The following NRG3 variants were observed in gnomAD, a reference collection of about 807,000 sequenced individuals.
NRG3 encodes neuregulin 3.
NRG3 carries 31 observed loss-of-function variants against 66.9 expected under a neutral mutation model. That is an observed-to-expected ratio of 0.46 (90% CI 0.35 to 0.63). NRG3 has a LOEUF of 0.63. Among genes scored for constraint, NRG3 ranks in the 20% least tolerant of loss-of-function variants. The pLI is 0.00. For synonymous variants in NRG3, 393 were observed against 359.4 expected (o/e 1.09, Z -1.06); for missense variants, 910 against 878.9 (o/e 1.04, Z -0.45).
chr10:82,499,107 A>T (rs1843902085), intron 2 of NRG3, among the ~76,000 whole-genome samples: 1 of 152,180 alleles, frequency 6.6e-6, no homozygotes, highest in African/African-American at 2.4e-5. Flanking sequence ...CCTTGAGAAG[A>T]AGAGTCTGGC....
chr10:81,912,526 C>T (rs542569549), intron 1 of NRG3, among the ~76,000 whole-genome samples: 48 of 152,318 alleles, frequency 3.2e-4, no homozygotes, highest in African/African-American at 1.1e-3. Flanking sequence ...CCAGCCTATA[C>T]AGAATATTAT....
intron 1 of NRG3, among the ~76,000 whole-genome samples, chr10:82,344,276 A>T (rs970948712): frequency 6.6e-6 from 1 of 150,450 alleles, no homozygotes; most frequent in African/African-American, 2.5e-5. Flanking sequence ...ACGTGATCTC[A>T]TTGTTCAATT....
chr10:82,688,797 T>C (rs1371279620), intron 2 of NRG3, among the ~76,000 whole-genome samples: 1 of 150,676 alleles, frequency 6.6e-6, no homozygotes, highest in Non-Finnish European at 1.5e-5. Flanking sequence ...GAAAAGAAAA[T>C]GTCGCCTCAA....
At chr10:82,346,590 A>G in intron 1 of NRG3, among the ~76,000 whole-genome samples, 2 of 152,080 alleles carry the variant, frequency 1.3e-5, no homozygotes, top group Non-Finnish European at 2.9e-5. Flanking sequence ...AAAACGAGTT[A>G]GGGAGGATTC....
intron 1 of NRG3, among the ~76,000 whole-genome samples, chr10:82,261,204 C>G (rs1319209890): frequency 1.3e-5 from 2 of 152,088 alleles, no homozygotes; most frequent in African/African-American, 4.8e-5. Context: ...GGGTGGTTTC[C>G]TCCATGCTGT....
At chr10:82,905,145 A>C (rs1284486518) in intron 4 of NRG3, among the ~76,000 whole-genome samples, 1 of 152,206 alleles carries the variant, frequency 6.6e-6, no homozygotes, top group Non-Finnish European at 1.5e-5. Flanking sequence ...ATATTTACCC[A>C]TGGTCTTTAT....
At chr10:82,641,819 G>T (rs990940698) in intron 2 of NRG3, among the ~76,000 whole-genome samples, 1 of 151,910 alleles carries the variant, frequency 6.6e-6, no homozygotes, top group Non-Finnish European at 1.5e-5. Flanking sequence ...AAAGAAGAAG[G>T]TTTTATCCTG....
chr10:82,457,631 A>C (rs2091328792), intron 2 of NRG3, among the ~76,000 whole-genome samples: 1 of 152,162 alleles, frequency 6.6e-6, no homozygotes, highest in South Asian at 2.1e-4. Flanking sequence ...TGGTGAGCTG[A>C]ACCAAACTCC....
intron 2 of NRG3, among the ~76,000 whole-genome samples, chr10:82,370,030 A>C (rs982622968): frequency 7.2e-6 from 1 of 138,406 alleles, no homozygotes; most frequent in African/African-American, 3.4e-5. Context: ...TGGTGTCTGG[A>C]GGTGGATACC....
intron 2 of NRG3, among the ~76,000 whole-genome samples, chr10:82,672,758 G>A (rs1299747445): frequency 2.0e-5 from 3 of 151,978 alleles, no homozygotes; most frequent in Admixed American, 2.0e-4. Context: ...TCGTTGGTTT[G>A]TTTGTTTTTG....
At chr10:82,445,402 A>G (rs757747551) in intron 2 of NRG3, among the ~76,000 whole-genome samples, 4 of 152,210 alleles carry the variant, frequency 2.6e-5, no homozygotes, top group Non-Finnish European at 5.9e-5. Context: ...GACAAATAGG[A>G]CATAGCTTTA....
At chr10:82,514,271 C>T (rs1055268931) in intron 2 of NRG3, among the ~76,000 whole-genome samples, 2 of 152,078 alleles carry the variant, frequency 1.3e-5, no homozygotes, top group Admixed American at 6.6e-5. Context: ...CCATCTATGT[C>T]TTGAATGGTA....
At chr10:82,937,808 T>A (rs1848229652) in intron 4 of NRG3, among the ~76,000 whole-genome samples, 1 of 152,128 alleles carries the variant, frequency 6.6e-6, no homozygotes. Context: ...TATTGTTAGG[T>A]TAAAATTCAC....
At chr10:82,889,153 G>A (rs1031960768) in intron 4 of NRG3, among the ~76,000 whole-genome samples, 40 of 152,064 alleles carry the variant, frequency 2.6e-4, no homozygotes, top group African/African-American at 7.2e-4. Context: ...TGGTTGAGAG[G>A]GAGGGTAAAA....
intron 3 of NRG3, among the ~76,000 whole-genome samples, chr10:82,774,925 C>T (rs548896478): frequency 1.5e-4 from 21 of 144,582 alleles, no homozygotes; most frequent in East Asian, 2.1e-4. Context: ...TGGTTTCAAG[C>T]GATTCTTGTG....
At chr10:82,006,136 T>C (rs1455723763) in intron 1 of NRG3, among the ~76,000 whole-genome samples, 1 of 152,128 alleles carries the variant, frequency 6.6e-6, no homozygotes, top group African/African-American at 2.4e-5. Flanking sequence ...TATTGATTTT[T>C]ACAATCTAAA....
intron 1 of NRG3, among the ~76,000 whole-genome samples, chr10:82,043,425 C>T (rs573879497): frequency 6.6e-6 from 1 of 152,056 alleles, no homozygotes; most frequent in African/African-American, 2.4e-5. Context: ...TCTTGTGGTA[C>T]TACTGTTTCA....
intron 1 of NRG3, among the ~76,000 whole-genome samples, chr10:82,082,228 G>T (rs1488973023): frequency 3.9e-5 from 6 of 152,154 alleles, no homozygotes; most frequent in African/African-American, 1.2e-4. Context: ...GGATTACTCT[G>T]TTGCAAAATT....
At chr10:82,671,927 C>G (rs768878170) in intron 2 of NRG3, among the ~76,000 whole-genome samples, 17 of 151,980 alleles carry the variant, frequency 1.1e-4, no homozygotes, top group Admixed American at 5.9e-4. Context: ...CTTTGGCTTC[C>G]CCTACTCTCT....
Sources: gnomAD v4.1 joint callset for allele counts (sites outside exome capture counted in the v4.1 genomes callset) on GRCh38, gnomAD v4.1.1 for gene constraint, MANE v1.5 for transcripts, NCBI Gene and HGNC (gene_info 2026-07-23, HGNC 2026-07-21) for gene names.